The following PRKN variants were observed in gnomAD, a reference collection of about 807,000 sequenced individuals.
PRKN encodes the protein parkin RBR E3 ubiquitin protein ligase, also known as E3 ubiquitin-protein ligase parkin.
PRKN carries 56 observed loss-of-function variants against 59.5 expected under a neutral mutation model. That is an observed-to-expected ratio of 0.94 (90% CI 0.76 to 1.18). The LOEUF is 1.18. Among genes scored for constraint, PRKN ranks in the 50% most tolerant of loss-of-function variants. The probability of loss-of-function intolerance (pLI) is 0.00; values close to 1 mark genes in which losing one functional copy is unlikely to be tolerated. For synonymous variants in PRKN, 250 were observed against 222.1 expected (o/e 1.13, Z -1.12); for missense variants, 657 against 596.4 (o/e 1.10, Z -1.06).
intron 6 of PRKN, among the ~76,000 whole-genome samples, chr6:161,884,676 G>A (rs1795064909): frequency 6.6e-6 from 1 of 152,136 alleles, no homozygotes; most frequent in Non-Finnish European, 1.5e-5. Context: ...TTAGCAGAGA[G>A]TACTCATGAT....
intron 2 of PRKN, among the ~76,000 whole-genome samples, chr6:162,304,546 T>TCTATCTATCTA (rs1562655174): frequency 1.1e-4 from 13 of 116,200 alleles, no homozygotes; most frequent in African/African-American, 4.6e-4. Context: ...TATCTATCTA[T>TCTATCTATCTA]TTATCCATCT....
chr6:162,303,493 T>G (rs551801775), intron 2 of PRKN, among the ~76,000 whole-genome samples: 116 of 152,310 alleles, frequency 7.6e-4, no homozygotes, highest in African/African-American at 2.2e-3. Flanking sequence ...ATCTATGAAC[T>G]TCTTGTTCAT....
chr6:161,636,755 G>A (rs1230790622), intron 7 of PRKN, among the ~76,000 whole-genome samples: 5 of 152,056 alleles, frequency 3.3e-5, no homozygotes, highest in Admixed American at 6.6e-5. Context: ...ATACAAAGTC[G>A]AGATTAAACA....
intron 1 of PRKN, among the ~76,000 whole-genome samples, chr6:162,465,288 T>C (rs1238315375): frequency 2.0e-5 from 3 of 152,250 alleles, no homozygotes; most frequent in Non-Finnish European, 2.9e-5. Context: ...CTGACTTTTG[T>C]TGCTGTTTAT....
chr6:162,399,710 T>C (rs1180829087), intron 2 of PRKN, among the ~76,000 whole-genome samples: 1 of 152,000 alleles, frequency 6.6e-6, no homozygotes, highest in East Asian at 1.9e-4. Context: ...AACCAAGCAG[T>C]TGTGTCCATG....
At chr6:161,469,996 C>T (rs73589745) in intron 9 of PRKN, among the ~76,000 whole-genome samples, 12,630 of 152,198 alleles carry the variant, frequency 0.083, 976 homozygotes, top group African/African-American at 0.21. Flanking sequence ...TTACTATGAA[C>T]CGGGCATTGC....
chr6:161,953,920 G>C (rs1002246666), intron 6 of PRKN, among the ~76,000 whole-genome samples: 1 of 152,144 alleles, frequency 6.6e-6, no homozygotes. Context: ...ACCTGGGCTT[G>C]AGACCCTACT....
intron 6 of PRKN, among the ~76,000 whole-genome samples, chr6:161,922,701 A>G (rs1778829188): frequency 6.6e-6 from 1 of 152,208 alleles, no homozygotes; most frequent in African/African-American, 2.4e-5. Flanking sequence ...TTTGGATACC[A>G]TGTAACCTGT....
At chr6:162,255,631 T>G (rs1234143257) in intron 3 of PRKN, among the ~76,000 whole-genome samples, 1 of 152,114 alleles carries the variant, frequency 6.6e-6, no homozygotes, top group African/African-American at 2.4e-5. Flanking sequence ...CTCCGAGTCC[T>G]AGAGGTAGCA....
chr6:162,066,524 G>C (rs1343006492), intron 4 of PRKN, among the ~76,000 whole-genome samples: 4 of 152,168 alleles, frequency 2.6e-5, no homozygotes, highest in Admixed American at 1.3e-4. Context: ...TAAGTCACAA[G>C]GGCTCCACCT....
intron 2 of PRKN, among the ~76,000 whole-genome samples, chr6:162,293,566 G>A (rs1219887372): frequency 3.3e-5 from 5 of 152,158 alleles, no homozygotes; most frequent in Admixed American, 1.3e-4. Flanking sequence ...CCCATTGGGG[G>A]GCCCCACCTC....
chr6:162,308,889 G>GT (rs201687915), intron 2 of PRKN, among the ~76,000 whole-genome samples: 23 of 150,890 alleles, frequency 1.5e-4, no homozygotes, highest in South Asian at 4.2e-4. Flanking sequence ...AATATTCTGG[G>GT]TTTTTTTTTC....
chr6:162,577,653 A>G (rs937201641), intron 1 of PRKN, among the ~76,000 whole-genome samples: 6 of 152,066 alleles, frequency 3.9e-5, no homozygotes, highest in Non-Finnish European at 8.8e-5. Context: ...AAAATGGGCC[A>G]GGCACAGTGG....
chr6:162,153,882 T>C (rs116512317), intron 4 of PRKN, among the ~76,000 whole-genome samples: 1,919 of 151,180 alleles, frequency 0.013, 44 homozygotes, highest in African/African-American at 0.043. Flanking sequence ...AGGATGGGGG[T>C]GAGGCGAGCC....
chr6:162,225,816 TA>T (rs1169817513), intron 3 of PRKN, among the ~76,000 whole-genome samples: 20 of 151,904 alleles, frequency 1.3e-4, no homozygotes, highest in African/African-American at 4.3e-4. Context: ...AATGTGGATT[TA>T]CCTGGGAAAT....
intron 3 of PRKN, among the ~76,000 whole-genome samples, chr6:162,216,741 C>T (rs1297964184): frequency 6.6e-6 from 1 of 151,988 alleles, no homozygotes; most frequent in Admixed American, 6.6e-5. Context: ...GATGAACAGC[C>T]ACTCACGGAC....
At chr6:162,583,326 G>C (rs1238167044) in intron 1 of PRKN, among the ~76,000 whole-genome samples, 1 of 152,234 alleles carries the variant, frequency 6.6e-6, no homozygotes, top group Non-Finnish European at 1.5e-5. Flanking sequence ...GCAAAGGCTA[G>C]AAAGAGGTAT....
chr6:161,602,111 T>C (rs1441824523), intron 7 of PRKN, among the ~76,000 whole-genome samples: 1 of 151,742 alleles, frequency 6.6e-6, no homozygotes, highest in Non-Finnish European at 1.5e-5. Flanking sequence ...AGATTATCTA[T>C]CTATCTATCT....
intron 3 of PRKN, among the ~76,000 whole-genome samples, chr6:162,232,206 CTCCTGACTCCTATT>C (rs1778453585): frequency 6.6e-6 from 1 of 152,130 alleles, no homozygotes; most frequent in Admixed American, 6.5e-5. Flanking sequence ...ATTTCTGCAT[CTCCTGACTCCTATT>C]TTCTGAGCCT....
Sources: allele counts gnomAD v4.1 joint callset (sites outside exome capture counted in the v4.1 genomes callset), GRCh38; gene constraint gnomAD v4.1.1; transcripts MANE v1.5; gene names NCBI Gene and HGNC (gene_info 2026-07-23, HGNC 2026-07-21).